The following PBX1 variants were observed in gnomAD, a reference collection of about 807,000 sequenced individuals.
The protein encoded by PBX1 is PBX homeobox 1.
Under a neutral mutation model 53.4 loss-of-function variants are expected in PBX1, and 6 were observed. The ratio of observed to expected loss-of-function variants is 0.11; its 90% CI spans 0.06 to 0.22. PBX1 has a LOEUF of 0.22. PBX1 is among the 10% of genes least tolerant of loss of function. The pLI is 1.00. For synonymous variants in PBX1, 204 were observed against 212.3 expected, an observed-to-expected ratio of 0.96 and a Z score of 0.34; for missense variants, 251 against 551.4, an observed-to-expected ratio of 0.46 and a Z score of 5.46.
chr1:164,820,247 T>C, intron 7 of PBX1, 63 bp downstream of exon 7: 8 of 909,350 alleles, frequency 8.8e-6, no homozygotes, highest in South Asian at 8.1e-5. Context: ...CTCAGTTGTA[T>C]TGGACTTCCT....
chr1:164,815,549 G>C (rs1489178038), intron 6 of PBX1: 1 of 152,222 alleles, frequency 6.6e-6, no homozygotes, highest in African/African-American at 2.4e-5. Flanking sequence ...ATTTCTAAAG[G>C]AAAGAGGCTT....
chr1:164,818,814 A>G (rs1447047433), intron 6 of PBX1: 2 of 96,208 alleles, frequency 2.1e-5, no homozygotes, highest in Non-Finnish European at 4.4e-5. Flanking sequence ...CTATGGGGGA[A>G]AAAAAGTCCT....
At chr1:164,753,656 T>C (rs75889926) in intron 2 of PBX1, among the ~76,000 whole-genome samples, 1,829 of 152,308 alleles carry the variant, frequency 0.012, 39 homozygotes, top group African/African-American at 0.042. Flanking sequence ...GTTTTGACCT[T>C]TGATTTGTGG....
At chr1:164,769,538 G>A (rs1264014953) in intron 2 of PBX1, among the ~76,000 whole-genome samples, 1 of 152,142 alleles carries the variant, frequency 6.6e-6, no homozygotes, top group Non-Finnish European at 1.5e-5. Context: ...CCTCTCCTAA[G>A]GCTGTTGTAA....
At chr1:164,568,543 G>A (rs1056159283) in intron 2 of PBX1, among the ~76,000 whole-genome samples, 4 of 152,184 alleles carry the variant, frequency 2.6e-5, no homozygotes, top group African/African-American at 9.7e-5. Context: ...TGCAATAATT[G>A]ATAAATAAGT....
At chr1:164,781,220 G>A (rs1441718812) in intron 2 of PBX1, among the ~76,000 whole-genome samples, 1 of 152,158 alleles carries the variant, frequency 6.6e-6, no homozygotes, top group Admixed American at 6.5e-5. Flanking sequence ...TAATTGGCGT[G>A]TGTTTTGAAA....
chr1:164,693,958 C>T (rs1199688055), intron 2 of PBX1, among the ~76,000 whole-genome samples: 1 of 152,198 alleles, frequency 6.6e-6, no homozygotes, highest in Non-Finnish European at 1.5e-5. Flanking sequence ...TAAAAGTGTC[C>T]TCTGTATCTT....
chr1:164,671,734 G>T (rs1362580938), intron 2 of PBX1, among the ~76,000 whole-genome samples: 1 of 152,102 alleles, frequency 6.6e-6, no homozygotes, highest in Non-Finnish European at 1.5e-5. Context: ...GAGTAAGCAG[G>T]TTAAATCTGC....
At chr1:164,593,019 G>A (rs922050700) in intron 2 of PBX1, among the ~76,000 whole-genome samples, 11 of 151,330 alleles carry the variant, frequency 7.3e-5, no homozygotes, top group Admixed American at 6.6e-4. Context: ...GTGCAGTGCC[G>A]TGATCTTGGC....
chr1:164,633,727 A>G (rs1210484967), intron 2 of PBX1, among the ~76,000 whole-genome samples: 4 of 152,166 alleles, frequency 2.6e-5, no homozygotes, highest in African/African-American at 7.2e-5. Flanking sequence ...ATTACATGCT[A>G]GTTGTTTTGG....
At chr1:164,759,478 G>A (rs75377209) in intron 2 of PBX1, among the ~76,000 whole-genome samples, 10,865 of 152,222 alleles carry the variant, frequency 0.071, 664 homozygotes, top group East Asian at 0.2. Flanking sequence ...GCTGGTTCAG[G>A]AGCTTCATGT....
At chr1:164,869,857 G>A (rs7512371) in intron 2 of PBX1, among the ~76,000 whole-genome samples, 58,514 of 151,964 alleles carry the variant, frequency 0.39, 12,375 homozygotes, top group East Asian at 0.63. Flanking sequence ...GGAATTTGGG[G>A]CAGAAGCAAG....
chr1:164,688,799 A>T (rs1662277211), intron 2 of PBX1, among the ~76,000 whole-genome samples: 1 of 152,240 alleles, frequency 6.6e-6, no homozygotes, highest in Non-Finnish European at 1.5e-5. Context: ...TAAGAAAAAA[A>T]TAGGATCTGA....
chr1:164,729,879 C>G (rs4656420), intron 2 of PBX1, among the ~76,000 whole-genome samples: 1 of 151,994 alleles, frequency 6.6e-6, no homozygotes, highest in Non-Finnish European at 1.5e-5. Context: ...AATATTTCCT[C>G]TGCATCAGGC....
intron 2 of PBX1, among the ~76,000 whole-genome samples, chr1:164,585,186 T>C (rs1654875467): frequency 6.6e-6 from 1 of 152,194 alleles, no homozygotes. Context: ...AATGTGAGTA[T>C]GTGTAATTTA....
chr1:164,630,244 G>A (rs1324664751), intron 2 of PBX1, among the ~76,000 whole-genome samples: 1 of 152,094 alleles, frequency 6.6e-6, no homozygotes, highest in Non-Finnish European at 1.5e-5. Flanking sequence ...TTTGTTCTTG[G>A]ATGACGTGAA....
intron 2 of PBX1, among the ~76,000 whole-genome samples, chr1:164,792,019 T>G (rs549239719): frequency 1.3e-5 from 2 of 152,106 alleles, no homozygotes; most frequent in Non-Finnish European, 2.9e-5. Context: ...GAGACGGGGT[T>G]TCACCATGTT....
intron 3 of PBX1, among the ~76,000 whole-genome samples, chr1:164,794,830 G>C (rs1037641937): frequency 1.3e-5 from 2 of 152,116 alleles, no homozygotes; most frequent in African/African-American, 4.8e-5. Flanking sequence ...AGGTTAACTC[G>C]TGCCAAAGAA....
chr1:164,584,199 TAAG>T (rs1654806355), intron 2 of PBX1, among the ~76,000 whole-genome samples: 1 of 152,070 alleles, frequency 6.6e-6, no homozygotes, highest in African/African-American at 2.4e-5. Context: ...GTGAATATCT[TAAG>T]AAATTATTTC....
Sources: allele counts gnomAD v4.1 joint callset (sites outside exome capture counted in the v4.1 genomes callset), GRCh38; gene constraint gnomAD v4.1.1; transcripts MANE v1.5; gene names NCBI Gene and HGNC (gene_info 2026-07-23, HGNC 2026-07-21).